ZAR1: variants seen among roughly 807,000 people sequenced by gnomAD.
ZAR1 encodes zygote arrest protein 1.
Under a neutral mutation model 38.3 loss-of-function variants are expected in ZAR1, and 37 were observed. The observed-to-expected ratio is 0.97, with a 90% CI of 0.74 to 1.27. The LOEUF is 1.27. Among genes scored for constraint, ZAR1 ranks in the 50% most tolerant of loss-of-function variants. The probability of loss-of-function intolerance (pLI) is 0.00; values close to 1 mark genes in which losing one functional copy is unlikely to be tolerated. For missense variants in ZAR1, 651 were observed against 632.4 expected (o/e 1.03, Z -0.32); for synonymous variants, 336 against 292.0 (o/e 1.15, Z -1.53).
In ZAR1 at chr4:48,491,089, G is replaced by C; in HGVS notation, c.798G>C (p.Glu266Asp). The C allele has an allele frequency of 7.8e-7, 1 of 1,286,688 alleles. No individual in the cohort carries two copies. The highest frequency in any genetic ancestry group is 9.8e-7 in the Non-Finnish European group (1 of 1,019,568). 79.7% of individuals were successfully genotyped at this position (1,286,688 alleles called of 1,614,324 possible). ...PADGPELPPR[E>D]AQEGEAAPRS... ...ACGGTCCCGAGCTGCCGCCGCGAGA[G>C]GCCCAGGAGGGCGAGGCGGCTCCGC... is the stretch of plus-strand genomic sequence containing the variant. The change falls in exon 1 of 4, where the codon GAG (glutamate) becomes GAC (aspartate). Residue 266 changes from glutamate to aspartate, a missense_variant. By Grantham distance (45) the Glu-to-Asp change is conservative. Around this residue, in one of 2 missense-constraint regions of ZAR1, gnomAD observed 522 missense variants for 459.9 expected, o/e 1.14. Coordinates refer to ENST00000327939, the MANE Select transcript of ZAR1 (RefSeq NM_175619.3).
chr4:48,490,908 C>A lies in ZAR1; in HGVS notation c.617C>A (p.Ser206Tyr), dbSNP rs1408153080. ...GGGCCCGCGGCGGGCGAGCAGAGGT[C>A]CGGGGCGTCGGACGGAGAGAGGGGG... ...GPGPAAGEQR[S>Y]GASDGERGPP... Residue 206 changes from serine to tyrosine, a missense_variant, in exon 1 of 4, where the codon TCC becomes TAC. By Grantham distance (144) the Ser-to-Tyr change is moderately radical. Around this residue, in one of 2 missense-constraint regions of ZAR1, gnomAD observed 522 missense variants for 459.9 expected, o/e 1.14. Coordinates refer to ENST00000327939, the MANE Select transcript of ZAR1 (RefSeq NM_175619.3). The A allele has an allele frequency of 1.5e-6, 2 of 1,366,490 alleles. No individual in the cohort carries two copies. Among genetic ancestry groups the A allele is most frequent in the Non-Finnish European group, 1.9e-6 (2 of 1,064,756 alleles). The allele number at this position is 1,366,490 out of a possible 1,614,324, so 84.6% of individuals were successfully genotyped here.
intron 1 of ZAR1, among the ~76,000 whole-genome samples, chr4:48,491,842 A>T (rs1356977380): frequency 6.6e-6 from 1 of 152,218 alleles, no homozygotes; most frequent in African/African-American, 2.4e-5. Context: ...AAGCATTTGG[A>T]CTGCTCAGTG....
intron 1 of ZAR1, 61 bp downstream of exon 1, chr4:48,491,315 C>A: frequency 8.4e-7 from 1 of 1,190,656 alleles, no homozygotes; most frequent in South Asian, 4.3e-5. Flanking sequence ...TTCCTTGGGC[C>A]TGGCCCTGTG....
downstream of ZAR1, among the ~76,000 whole-genome samples, chr4:48,495,364 G>C (rs1276936193): frequency 2.0e-5 from 3 of 152,158 alleles, no homozygotes; most frequent in African/African-American, 7.2e-5. Flanking sequence ...TTAGGCCATA[G>C]GACTAAGTCT....
At position 48,490,754 on chromosome 4, in the gene ZAR1, C is replaced by A; in HGVS notation, c.463C>A (p.Pro155Thr). 7.0e-7 allele frequency: 1 copy of A among 1,428,876 alleles called. No individual in the cohort carries two copies. The highest frequency in any genetic ancestry group is 1.5e-5 in the African/African-American group (1 of 67,976). 88.5% of individuals were successfully genotyped at this position (1,428,876 alleles called of 1,614,324 possible). The change falls in exon 1 of 4, where the codon CCA becomes ACA. Residue 155 changes from proline (P) to threonine (T), a missense_variant. Physicochemically the swap from Pro to Thr is conservative, Grantham distance 38 (BLOSUM62 -1). This residue lies in a region of ZAR1 where 522 missense variants were observed against 459.9 expected (regional missense o/e 1.14). Transcript: ENST00000327939. ...GGGTGGCGGCTCTTTCTCCCAGCAGCCATCCCGTCGAGGCCTGGAGCAGGG... is the reference window on the plus strand; with the variant it reads ...GGGTGGCGGCTCTTTCTCCCAGCAGACATCCCGTCGAGGCCTGGAGCAGGG... ...TTGGGSFSQQ[P>T]SRRGLEQGSP...
At chr4:48,496,469 C>T (rs1718617792), downstream of ZAR1, among the ~76,000 whole-genome samples, 1 of 152,194 alleles carries the variant, frequency 6.6e-6, no homozygotes, top group Non-Finnish European at 1.5e-5. Flanking sequence ...AATATGGTTA[C>T]ATTGTTCTTT....
chr4:48,497,078 TTTTG>T (rs1718655391), downstream of ZAR1, among the ~76,000 whole-genome samples: 1 of 152,206 alleles, frequency 6.6e-6, no homozygotes, highest in African/African-American at 2.4e-5. Context: ...AATCCTGTGG[TTTTG>T]TTTTAGAAGC....
At chr4:48,494,924 CA>C (rs1234925492), downstream of ZAR1, among the ~76,000 whole-genome samples, 1 of 152,122 alleles carries the variant, frequency 6.6e-6, no homozygotes, top group African/African-American at 2.4e-5. Flanking sequence ...ACAAATGTGG[CA>C]AAAGTGGGGC....
intron 1 of ZAR1, 99 bp from the exon 2 acceptor site, chr4:48,492,667 A>G: frequency 8.6e-7 from 1 of 1,168,614 alleles, no homozygotes; most frequent in South Asian, 1.3e-5. Flanking sequence ...CATGATCTGA[A>G]GTTGCCAATT....
At chr4:48,493,111 C>A in intron 3 of ZAR1, 99 bp downstream of exon 3, 2 of 1,108,290 alleles carry the variant, frequency 1.8e-6, no homozygotes, top group Non-Finnish European at 2.6e-6. Flanking sequence ...GCCCCCAGAC[C>A]TTAGGTTTCA....
chr4:48,492,626 G>A (rs181241179), intron 1 of ZAR1, 140 bp from the exon 2 acceptor site: 2 of 736,772 alleles, frequency 2.7e-6, no homozygotes, highest in African/African-American at 1.7e-5. Context: ...CTGTATTGAA[G>A]AGGCGTACCC....
intron 3 of ZAR1, among the ~76,000 whole-genome samples, chr4:48,493,598 T>C (rs7694862): frequency 0.63 from 95,469 of 152,182 alleles, 30,822 homozygotes; most frequent in Middle Eastern, 0.78. Flanking sequence ...CATTCGCCTC[T>C]TGTCACACAG....
rs1371703131 is a variant in ZAR1 at position 48,492,870 on chromosome 4, C to T, written c.1056+12C>T. 6.2e-6 allele frequency: 10 copies of T among 1,613,858 alleles called. No individual in the cohort carries two copies. Among genetic ancestry groups the T allele is most frequent in the African/African-American group, 2.7e-5 (2 of 74,908 alleles). ...AGGGAACTAACAAGGTAAGAAATAC[C>T]AGGTAACTGGCATCTTCTTGCTGAA... On this transcript the variant is annotated intron_variant, in intron 2 of 3. Coordinates refer to ENST00000327939, the MANE Select transcript of ZAR1 (RefSeq NM_175619.3).
downstream of ZAR1, among the ~76,000 whole-genome samples, chr4:48,497,004 T>C (rs1718649317): frequency 6.6e-6 from 1 of 152,206 alleles, no homozygotes; most frequent in African/African-American, 2.4e-5. Context: ...TAAGGGAGGT[T>C]ATGTGTTTTG....
At position 48,490,961 on chromosome 4, in the gene ZAR1, G is replaced by C. The variant is rs1718420016; in HGVS notation, c.670G>C (p.Glu224Gln). Residue 224 changes from glutamate to glutamine, a missense_variant, in exon 1 of 4, where the codon GAG becomes CAG. Transcript: ENST00000327939. Reference protein sequence around the residue: ...GPPPARLQGPEEGEVWTKKAP... With the variant: ...GPPPARLQGPQEGEVWTKKAP... ...GCCGCCCGCGCGGCTTCAAGGCCCA[G>C]AGGAGGGGGAGGTGTGGACGAAGAA... The C allele has an allele frequency of 3.0e-6, 4 of 1,350,878 alleles. No individual in the cohort carries two copies. The highest frequency in any genetic ancestry group is 1.5e-5 in the African/African-American group (1 of 65,108). 83.7% of individuals were successfully genotyped at this position (1,350,878 alleles called of 1,614,324 possible).
rs1577773445 is a variant in ZAR1, at chr4:48,492,719, A to T, written c.964-47A>T. 3 of 1,553,110 alleles carry T rather than the reference A, an allele frequency of 1.9e-6. No homozygotes were observed. The East Asian group carries it at 6.7e-5, about 35-fold the overall frequency. ...TCCTTCCCAACGTCTGAAATGAAGGATAATTCAGGTGTTTTGTTGGTTAAA... is the reference window on the plus strand; with the variant it reads ...TCCTTCCCAACGTCTGAAATGAAGGTTAATTCAGGTGTTTTGTTGGTTAAA... On this transcript the variant is annotated intron_variant, in intron 1 of 3. Transcript: ENST00000327939.
rs751658888 is a variant in ZAR1, at chr4:48,494,140, C to T, written c.1171C>T (p.Arg391Cys). 1.1e-5 allele frequency: 17 copies of T among 1,614,144 alleles called. No individual in the cohort carries two copies. The highest frequency in any genetic ancestry group is 1.6e-4 in the Middle Eastern group (1 of 6,062). The change falls in exon 4 of 4, where the codon CGC (arginine) becomes TGC (cysteine). Residue 391 changes from arginine (R) to cysteine (C), a missense_variant. Coordinates refer to ENST00000327939, the MANE Select transcript of ZAR1 (RefSeq NM_175619.3). ...GAGATGTTCCTGCCCAGTAAAACTT[C>T]GCCACGTGGACCCTAAACGGCCCCA... ...QTRCSCPVKL[R>C]HVDPKRPHRQ...
Position 48,490,573 on chromosome 4 carries a change from C to G in ZAR1, c.282C>G (p.Leu94=). 7.1e-7 allele frequency: 1 copy of G among 1,398,636 alleles called. No individual in the cohort carries two copies. 86.6% of individuals were successfully genotyped at this position (1,398,636 alleles called of 1,614,324 possible). ...TCCTGGCGCAGGTGGGGCCGGGTCT[C>G]GGGCCGCGCGCCCGCAGGGCCGGCA... ...MALLAQVGPG[L]GPRARRAGSC... The change falls in exon 1 of 4, where the codon CTC becomes CTG. Residue 94 remains leucine, a synonymous_variant. Coordinates refer to ENST00000327939, the MANE Select transcript of ZAR1 (RefSeq NM_175619.3).
chr4:48,493,953 T>A, intron 3 of ZAR1, 148 bp from the exon 4 acceptor site: 1 of 911,144 alleles, frequency 1.1e-6, no homozygotes. Context: ...GCTACGTAGG[T>A]AGGGATGTAG....
Sources: allele counts gnomAD v4.1 joint callset (sites outside exome capture counted in the v4.1 genomes callset), GRCh38; gene constraint gnomAD v4.1.1; regional missense constraint gnomAD v4.1.1; transcripts MANE v1.5; gene names NCBI Gene and HGNC (gene_info 2026-07-23, HGNC 2026-07-21).